Variants in CD38 observed in about 807,000 individuals in gnomAD.
The protein encoded by CD38 is ADP-ribosyl cyclase/cyclic ADP-ribose hydrolase 1.
Under a neutral mutation model 36.3 loss-of-function variants are expected in CD38, and 31 were observed. The ratio of observed to expected loss-of-function variants is 0.85; its 90% CI spans 0.64 to 1.15. The LOEUF (loss-of-function observed/expected upper bound fraction) is 1.15, where lower values mean the gene tolerates loss of function less well. Among genes scored for constraint, CD38 ranks in the 50% most tolerant of loss-of-function variants. The probability of loss-of-function intolerance (pLI) is 0.00; values close to 1 mark genes in which losing one functional copy is unlikely to be tolerated. For synonymous variants in CD38, 131 were observed against 135.2 expected, an observed-to-expected ratio of 0.97 and a Z score of 0.22; for missense variants, 380 against 371.9, an observed-to-expected ratio of 1.02 and a Z score of -0.18.
chr4:15,807,213 G>C (rs573817133), intron 1 of CD38, among the ~76,000 whole-genome samples: 3 of 152,120 alleles, frequency 2.0e-5, no homozygotes, highest in Non-Finnish European at 4.4e-5. Context: ...AAGGAGACTG[G>C]CTTTTCCTGG....
intron 2 of CD38, among the ~76,000 whole-genome samples, chr4:15,821,985 T>C (rs1723746712): frequency 6.6e-6 from 1 of 152,158 alleles, no homozygotes; most frequent in African/African-American, 2.4e-5. Context: ...ATCAAAAAGC[T>C]TATCCACCAT....
chr4:15,848,529 C>G lies in CD38; in HGVS notation c.840-10C>G. On this transcript the variant is annotated splice_polypyrimidine_tract_variant and intron_variant, in intron 7 of 7. Coordinates refer to ENST00000226279, the MANE Select transcript of CD38 (RefSeq NM_001775.4). ...GTCTCTTGATTTCCTTTTTTGCTTT[C>G]TTGTCATAGACCTGACAAGTTTCTT... The G allele has an allele frequency of 6.2e-7, 1 of 1,610,038 alleles. No homozygotes were observed. Among genetic ancestry groups the G allele is most frequent in the Non-Finnish European group, 8.5e-7 (1 of 1,176,780 alleles).
In CD38 at chr4:15,810,424, T is replaced by G. The variant is rs532662061; in HGVS notation, c.234-6087T>G. ...CCATCTTTGTCTGCAAAGATGCTGC[T>G]AAGGAAAGATGTAGAAGAGTTTTAC... On this transcript the variant is annotated intron_variant, in intron 1 of 7. Coordinates refer to ENST00000226279, the MANE Select transcript of CD38 (RefSeq NM_001775.4). Among the ~76,000 whole-genome samples the G allele has an allele frequency of 7.7e-4, 117 of 152,254 alleles. 1 individual carries two copies. Among genetic ancestry groups the G allele is most frequent in the Non-Finnish European group, 1.4e-3 (96 of 68,024 alleles).
chr4:15,835,839 C>T (rs546004223), intron 4 of CD38, among the ~76,000 whole-genome samples: 1 of 152,118 alleles, frequency 6.6e-6, no homozygotes, highest in South Asian at 2.1e-4. Flanking sequence ...TTCCTGAATA[C>T]AATTCCATTG....
At chr4:15,808,204 G>C (rs572076432) in intron 1 of CD38, among the ~76,000 whole-genome samples, 1 of 152,268 alleles carries the variant, frequency 6.6e-6, no homozygotes, top group Admixed American at 6.5e-5. Context: ...AAGCTCTATT[G>C]GAAGAGGTCT....
chr4:15,840,150 T>C, intron 6 of CD38, 32 bp downstream of exon 6: 1 of 1,454,496 alleles, frequency 6.9e-7, no homozygotes, highest in Non-Finnish European at 9.7e-7. Flanking sequence ...CCAAGTGTTA[T>C]TTTATGAATC....
chr4:15,789,091 T>G (rs1005001107), intron 1 of CD38, among the ~76,000 whole-genome samples: 17 of 152,378 alleles, frequency 1.1e-4, no homozygotes, highest in African/African-American at 4.1e-4. Flanking sequence ...TGGCAAACAG[T>G]ACCCCAGTGT....
chr4:15,814,737 G>A (rs1463903261), intron 1 of CD38, among the ~76,000 whole-genome samples: 1 of 151,570 alleles, frequency 6.6e-6, no homozygotes, highest in Non-Finnish European at 1.5e-5. Flanking sequence ...GTTTGTTGAA[G>A]ATCAGGTGGT....
chr4:15,836,846 C>T (rs1459012056), intron 4 of CD38, among the ~76,000 whole-genome samples: 1 of 152,190 alleles, frequency 6.6e-6, no homozygotes, highest in East Asian at 1.9e-4. Context: ...CATGTTTAAA[C>T]TTGGGCAGAT....
Position 15,778,592 on chromosome 4 carries a change from C to T in CD38, c.178C>T (p.Pro60Ser), listed in dbSNP as rs550670064. 101 of 1,613,766 alleles carry T rather than the reference C, an allele frequency of 6.3e-5. No individual in the cohort carries two copies. In the South Asian group the frequency reaches 7.4e-4, roughly 12 times the overall value. Reference sequence around the variant, plus strand: ...CGGTCCGGGCACCACCAAGCGCTTTCCCGAGACCGTCCTGGCGCGATGCGT... The same window carrying T: ...CGGTCCGGGCACCACCAAGCGCTTTTCCGAGACCGTCCTGGCGCGATGCGT... ...WSGPGTTKRF[P>S]ETVLARCVKY... The change falls in exon 1 of 8, where the codon CCC becomes TCC. Residue 60 changes from proline to serine, a missense_variant. Pro to Ser is a moderately conservative substitution (Grantham distance 74). Coordinates refer to ENST00000226279, the MANE Select transcript of CD38 (RefSeq NM_001775.4). This position sits in a 1 kb window ranked among gnomAD's most constrained non-coding sequence, Gnocchi z 4.9.
chr4:15,829,598 T>C (rs1330644629), intron 3 of CD38, among the ~76,000 whole-genome samples: 1 of 152,236 alleles, frequency 6.6e-6, no homozygotes, highest in African/African-American at 2.4e-5. Flanking sequence ...TTGAGACCCA[T>C]GGGCCATGGG....
chr4:15,837,058 T>C (rs921349279), intron 4 of CD38, among the ~76,000 whole-genome samples: 3 of 152,244 alleles, frequency 2.0e-5, no homozygotes, highest in Non-Finnish European at 1.5e-5. Context: ...TTTTGTTTGT[T>C]TGCTTTTTCT....
chr4:15,784,337 G>A (rs1722765582), intron 1 of CD38, among the ~76,000 whole-genome samples: 1 of 152,204 alleles, frequency 6.6e-6, no homozygotes, highest in Non-Finnish European at 1.5e-5. Context: ...TTCCTTTAAA[G>A]GTAGAATTTC....
chr4:15,789,384 A>C (rs751731294), intron 1 of CD38, among the ~76,000 whole-genome samples: 1 of 152,250 alleles, frequency 6.6e-6, no homozygotes, highest in Non-Finnish European at 1.5e-5. Flanking sequence ...TTACTCATTT[A>C]TGAAGGAATC....
chr4:15,851,430 CTT>C lies in CD38; in HGVS notation c.*2829_*2830del, dbSNP rs1209976446. The C allele has an allele frequency of 6.6e-6, 1 of 152,216 alleles. No homozygotes were observed. The highest frequency in any genetic ancestry group is 1.5e-5 in the Non-Finnish European group (1 of 68,054). The allele number at this position is 152,216 out of a possible 1,614,324, so 9.4% of individuals were successfully genotyped here. ...ATTCTCATTTGCTGTAGAAAATTCTCTTACCATCCCAACTTTCACCCACCATC... is the reference window on the plus strand; with the variant it reads ...ATTCTCATTTGCTGTAGAAAATTCTCACCATCCCAACTTTCACCCACCATC... On this transcript the variant is annotated 3_prime_UTR_variant, in exon 8 of 8. Transcript: ENST00000226279.
At chr4:15,788,163 A>G (rs1014029847) in intron 1 of CD38, among the ~76,000 whole-genome samples, 1 of 152,190 alleles carries the variant, frequency 6.6e-6, no homozygotes, top group African/African-American at 2.4e-5. Context: ...GAGCTGGGTC[A>G]GGAAGTATGC....
rs1724374858 is a variant in CD38 at position 15,851,102 on chromosome 4, G to A, written c.*2500G>A. ...AGGGTGGTCACAAGGATTTTGCACAGTGCTTTAGAGGGTCCCAGGGAGCCA... is the reference window on the plus strand; with the variant it reads ...AGGGTGGTCACAAGGATTTTGCACAATGCTTTAGAGGGTCCCAGGGAGCCA... On this transcript the variant is annotated 3_prime_UTR_variant, in exon 8 of 8. Coordinates refer to ENST00000226279, the MANE Select transcript of CD38 (RefSeq NM_001775.4). 1.3e-5 allele frequency: 2 copies of A among 152,326 alleles called. No homozygotes were observed. The highest frequency in any genetic ancestry group is 1.9e-4 in the East Asian group (1 of 5,190). 9.4% of individuals were successfully genotyped at this position (152,326 alleles called of 1,614,324 possible). A position where few individuals can be genotyped will look rare whatever the true frequency, so the allele number is the denominator to read the frequency against.
intron 7 of CD38, among the ~76,000 whole-genome samples, chr4:15,841,320 G>A (rs559200252): frequency 5.3e-5 from 8 of 152,180 alleles, no homozygotes; most frequent in Non-Finnish European, 1.0e-4. Flanking sequence ...CTAGAATATT[G>A]TTCCTGTTTC....
chr4:15,797,237 T>G lies in CD38; in HGVS notation c.233+18590T>G, dbSNP rs558992368. 3.2e-4 allele frequency among the ~76,000 whole-genome samples: 49 copies of G among 152,340 alleles called. No homozygotes were observed. The South Asian group carries it at 7.5e-3, about 23-fold the overall frequency. ...AATTTTACTTTTCTACCTAACAATA[T>G]ATTTTTGTGATTTTAATGACATTAC... On this transcript the variant is annotated intron_variant, in intron 1 of 7. Transcript: ENST00000226279.
Sources: allele counts gnomAD v4.1 joint callset (sites outside exome capture counted in the v4.1 genomes callset), GRCh38; gene constraint gnomAD v4.1.1; non-coding constraint Gnocchi (gnomAD v3.1); transcripts MANE v1.5; gene names NCBI Gene and HGNC (gene_info 2026-07-23, HGNC 2026-07-21).